RANBP2: variants seen among roughly 807,000 people sequenced by gnomAD.
The protein encoded by RANBP2 is RAN binding protein 2, also known as E3 SUMO-protein ligase RanBP2.
Under a neutral mutation model 303.6 loss-of-function variants are expected in RANBP2, and 57 were observed. The observed-to-expected ratio is 0.19, with a 90% CI of 0.15 to 0.23. RANBP2 has a LOEUF of 0.23. Among genes scored for constraint, RANBP2 ranks in the 10% least tolerant of loss-of-function variants. The probability of loss-of-function intolerance (pLI) is 1.00; values close to 1 mark genes in which losing one functional copy is unlikely to be tolerated. For synonymous variants in RANBP2, 1,167 were observed against 1,301.5 expected (o/e 0.90, Z 2.23); for missense variants, 3,138 against 3,780.8 (o/e 0.83, Z 4.46).
At chr2:109,272,648 A>G in the RANBP2 span, among the ~76,000 whole-genome samples, 1 of 152,278 alleles carries the variant, frequency 6.6e-6, no homozygotes, top group African/African-American at 2.4e-5. Context: ...ACAGCTGCCA[A>G]CGGTCCTCCT....
At chr2:109,237,084 A>G in the RANBP2 span, among the ~76,000 whole-genome samples, 20 of 152,230 alleles carry the variant, frequency 1.3e-4, no homozygotes, top group Non-Finnish European at 2.8e-4. Context: ...AAAATAAGAA[A>G]TAAACAAGAA....
the RANBP2 span, among the ~76,000 whole-genome samples, chr2:109,591,704 C>T: frequency 6.6e-6 from 1 of 152,076 alleles, no homozygotes; most frequent in South Asian, 2.1e-4. Flanking sequence ...CAAGACCAGC[C>T]TGGCCAACAC....
At chr2:108,804,074 C>T in the RANBP2 span, among the ~76,000 whole-genome samples, 1 of 151,858 alleles carries the variant, frequency 6.6e-6, no homozygotes, top group African/African-American at 2.4e-5. Context: ...TTGTCTTATT[C>T]TTGATTCTCT....
the RANBP2 span, among the ~76,000 whole-genome samples, chr2:108,957,122 G>T: frequency 6.6e-6 from 1 of 152,242 alleles, no homozygotes; most frequent in Non-Finnish European, 1.5e-5. Context: ...GGGACTTGCA[G>T]TTCTACACTT....
At chr2:109,531,012 C>T in the RANBP2 span, among the ~76,000 whole-genome samples, 1 of 152,050 alleles carries the variant, frequency 6.6e-6, no homozygotes, top group Non-Finnish European at 1.5e-5. Context: ...CCCGAGGAGG[C>T]TGGGCTTGAT....
the RANBP2 span, among the ~76,000 whole-genome samples, chr2:109,184,798 G>C: frequency 1.3e-5 from 2 of 152,186 alleles, no homozygotes; most frequent in African/African-American, 4.8e-5. Flanking sequence ...CCACATACAA[G>C]AAAGTATTTG....
chr2:109,155,544 G>A, the RANBP2 span, among the ~76,000 whole-genome samples: 192 of 152,154 alleles, frequency 1.3e-3, no homozygotes, highest in Admixed American at 3.2e-3. Flanking sequence ...CTCGTGATCC[G>A]CCTGCCTCAG....
chr2:109,613,289 G>A, the RANBP2 span: 1 of 695,544 alleles, frequency 1.4e-6, no homozygotes, highest in Non-Finnish European at 2.0e-6. Flanking sequence ...AGTCAAGGCG[G>A]GAAAAAAACG....
chr2:108,786,881 G>A (rs1678870384), downstream of RANBP2: 1 of 1,570,984 alleles, frequency 6.4e-7, no homozygotes, highest in South Asian at 1.2e-5. Context: ...AGTCTCAAAA[G>A]CCGCTACGGA....
the RANBP2 span, among the ~76,000 whole-genome samples, chr2:109,642,356 C>A: frequency 6.6e-6 from 1 of 152,228 alleles, no homozygotes; most frequent in Non-Finnish European, 1.5e-5. Flanking sequence ...ACCACTTACT[C>A]TGGACTGTAG....
the RANBP2 span, among the ~76,000 whole-genome samples, chr2:109,506,917 G>A: frequency 2.0e-5 from 3 of 152,222 alleles, no homozygotes; most frequent in Non-Finnish European, 4.4e-5. Flanking sequence ...GCTAGGTCAA[G>A]CTGTGGTTCA....
intron 1 of RANBP2, 49 bp downstream of exon 1, chr2:108,719,727 G>A (rs760536481): frequency 1.4e-5 from 22 of 1,553,168 alleles, no homozygotes; most frequent in Non-Finnish European, 1.8e-5. Flanking sequence ...CCGGGCGGCG[G>A]CCTCGCGCTG....
At position 108,767,567 on chromosome 2, in the gene RANBP2, A is replaced by T; in HGVS notation, c.7028A>T (p.Asp2343Val). Reference protein sequence around the residue: ...FSHRAKLYRYDKDVGQWKERG... With the variant: ...FSHRAKLYRYVKDVGQWKERG... Reference sequence around the variant, plus strand: ...CACAGGGCAAAACTCTACAGATATGATAAAGATGTTGGTCAATGGAAAGAA... The same window carrying T: ...CACAGGGCAAAACTCTACAGATATGTTAAAGATGTTGGTCAATGGAAAGAA... The change falls in exon 20 of 29, where the codon GAT (aspartate) becomes GTT (valine). Residue 2343 changes from aspartate (D) to valine (V), a missense_variant. Around this residue, in one of 20 missense-constraint regions of RANBP2, gnomAD observed 92 missense variants for 211.0 expected, o/e 0.44. Coordinates refer to ENST00000283195, the MANE Select transcript of RANBP2 (RefSeq NM_006267.5). The T allele has an allele frequency of 6.2e-7, 1 of 1,612,010 alleles. No individual in the cohort carries two copies. The highest frequency in any genetic ancestry group is 8.5e-7 in the Non-Finnish European group (1 of 1,179,862).
chr2:109,466,072 C>CTTTTTTTTTTTT, the RANBP2 span, among the ~76,000 whole-genome samples: 5 of 82,334 alleles, frequency 6.1e-5, no homozygotes, highest in Non-Finnish European at 8.9e-5. Flanking sequence ...ACCTGTACAT[C>CTTTTTTTTTTTT]TTTTTTTTTT....
chr2:109,084,048 C>G, the RANBP2 span, among the ~76,000 whole-genome samples: 2 of 152,158 alleles, frequency 1.3e-5, no homozygotes, highest in Admixed American at 1.3e-4. Flanking sequence ...TGACACCAGC[C>G]AATTGCAAAG....
the RANBP2 span, among the ~76,000 whole-genome samples, chr2:108,805,549 C>A: frequency 3.0e-5 from 4 of 135,458 alleles, no homozygotes; most frequent in East Asian, 9.1e-4. Context: ...CACAGTGAAA[C>A]CCCGTCTCTA....
the RANBP2 span, among the ~76,000 whole-genome samples, chr2:109,525,374 G>A: frequency 6.6e-6 from 1 of 152,096 alleles, no homozygotes; most frequent in Non-Finnish European, 1.5e-5. Flanking sequence ...ATCTTGGCCA[G>A]GCTGGTCTCG....
At chr2:108,789,855 T>C (rs1039316174), downstream of RANBP2, among the ~76,000 whole-genome samples, 4 of 152,126 alleles carry the variant, frequency 2.6e-5, no homozygotes, top group Non-Finnish European at 4.4e-5. Context: ...AAAATAAAGA[T>C]CTAAGTTGGA....
chr2:109,044,405 C>T, the RANBP2 span, among the ~76,000 whole-genome samples: 1 of 151,896 alleles, frequency 6.6e-6, no homozygotes, highest in East Asian at 1.9e-4. Context: ...CACCTGTAGT[C>T]CCAGCTACTC....
Sources: gnomAD v4.1 joint callset for allele counts (sites outside exome capture counted in the v4.1 genomes callset) on GRCh38, gnomAD v4.1.1 for gene constraint, gnomAD v4.1.1 regional missense constraint, MANE v1.5 for transcripts, NCBI Gene and HGNC (gene_info 2026-07-23, HGNC 2026-07-21) for gene names.